Variants in IFTAP observed in about 807,000 individuals in gnomAD.
IFTAP encodes intraflagellar transport associated protein, also known as intraflagellar transport-associated protein.
A neutral mutation model predicts 19.4 loss-of-function variants in IFTAP; 19 were observed. The ratio of observed to expected loss-of-function variants is 0.98; its 90% CI spans 0.68 to 1.44. The LOEUF (loss-of-function observed/expected upper bound fraction) is 1.44. Ranked by LOEUF, IFTAP falls within the 40% of genes most tolerant of loss-of-function variation. The pLI is 0.00. For synonymous variants in IFTAP, 85 were observed against 83.5 expected, an observed-to-expected ratio of 1.02 and a Z score of -0.10; for missense variants, 240 against 253.6, an observed-to-expected ratio of 0.95 and a Z score of 0.36.
chr11:36,613,720 G>T (rs1197521055), intron 2 of IFTAP, among the ~76,000 whole-genome samples: 1 of 151,992 alleles, frequency 6.6e-6, no homozygotes, highest in Non-Finnish European at 1.5e-5. Context: ...GTAGAACCAG[G>T]AAAGTTTGAC....
At chr11:36,599,324 A>G (rs1851414108) in intron 1 of IFTAP, among the ~76,000 whole-genome samples, 1 of 152,146 alleles carries the variant, frequency 6.6e-6, no homozygotes, top group African/African-American at 2.4e-5. Context: ...TAATTTCTAA[A>G]TGCAACCTAA....
At chr11:36,658,526 T>C (rs1854090394) in intron 5 of IFTAP, among the ~76,000 whole-genome samples, 1 of 152,220 alleles carries the variant, frequency 6.6e-6, no homozygotes, top group African/African-American at 2.4e-5. Flanking sequence ...CCAAGAGTTA[T>C]AGGTATTATC....
chr11:36,646,134 G>A (rs1853472185), intron 4 of IFTAP, among the ~76,000 whole-genome samples: 1 of 152,174 alleles, frequency 6.6e-6, no homozygotes, highest in South Asian at 2.1e-4. Flanking sequence ...TTGGCAAATA[G>A]GTTAGAGAAG....
At chr11:36,656,697 C>T (rs1447479832) in intron 5 of IFTAP, among the ~76,000 whole-genome samples, 2 of 152,014 alleles carry the variant, frequency 1.3e-5, no homozygotes, top group South Asian at 2.1e-4. Context: ...CTTTTGTCTT[C>T]TCCTTGAAGT....
intron 5 of IFTAP, among the ~76,000 whole-genome samples, chr11:36,651,272 A>C (rs1407630759): frequency 6.6e-6 from 1 of 152,100 alleles, no homozygotes; most frequent in African/African-American, 2.4e-5. Flanking sequence ...ATGGTATCTC[A>C]TTGTGGTTTT....
chr11:36,639,617 G>C (rs1383144323), intron 4 of IFTAP, among the ~76,000 whole-genome samples: 1 of 152,098 alleles, frequency 6.6e-6, no homozygotes, highest in African/African-American at 2.4e-5. Context: ...GAGGGAAAGA[G>C]GTGCCAGGCT....
chr11:36,602,125 C>G lies in IFTAP; in HGVS notation c.-24+7533C>G, dbSNP rs1851532635. ...TACCTCTTATAGCCCATTTATTATT[C>G]CACAGTCTTAGGAATTTATAATTCA... On this transcript the variant is annotated intron_variant, in intron 1 of 5. Coordinates refer to ENST00000334307, the MANE Select transcript of IFTAP (RefSeq NM_138787.4). Among the ~76,000 whole-genome samples, 2 of 152,126 alleles carry G rather than the reference C, an allele frequency of 1.3e-5. 1 individual carries two copies. Among genetic ancestry groups the G allele is most frequent in the South Asian group, 4.1e-4 (2 of 4,836 alleles).
At chr11:36,611,541 T>C (rs1449391341) in intron 2 of IFTAP, among the ~76,000 whole-genome samples, 1 of 152,098 alleles carries the variant, frequency 6.6e-6, no homozygotes, top group African/African-American at 2.4e-5. Context: ...GTAGTAGTTA[T>C]AAGGAAATTA....
intron 1 of IFTAP, among the ~76,000 whole-genome samples, chr11:36,603,251 A>G (rs1052187472): frequency 1.3e-5 from 2 of 152,176 alleles, no homozygotes; most frequent in Non-Finnish European, 2.9e-5. Flanking sequence ...AAGGGAAGCA[A>G]ATTTTTCAAG....
At chr11:36,607,997 A>ACTT (rs1258178020) in intron 1 of IFTAP, among the ~76,000 whole-genome samples, 2 of 152,170 alleles carry the variant, frequency 1.3e-5, no homozygotes, top group Non-Finnish European at 2.9e-5. Flanking sequence ...AGGTCAAGTA[A>ACTT]CTTGCCCAGT....
intron 1 of IFTAP, among the ~76,000 whole-genome samples, chr11:36,609,529 G>C (rs1037861926): frequency 6.6e-6 from 1 of 152,170 alleles, no homozygotes; most frequent in African/African-American, 2.4e-5. Flanking sequence ...TAGGGAAGGG[G>C]GGGAGTGGAG....
At chr11:36,632,954 AT>A (rs1565021163) in intron 2 of IFTAP, among the ~76,000 whole-genome samples, 1 of 151,174 alleles carries the variant, frequency 6.6e-6, no homozygotes, top group East Asian at 1.9e-4. Context: ...AAAGAAAAAA[AT>A]CCCTCAAATT....
intron 2 of IFTAP, among the ~76,000 whole-genome samples, chr11:36,614,844 A>G (rs1288494855): frequency 1.3e-5 from 2 of 148,606 alleles, no homozygotes; most frequent in Non-Finnish European, 3.0e-5. Context: ...AGTAGATTGC[A>G]AAAATGTTCT....
At chr11:36,598,436 G>T (rs1249705232) in intron 1 of IFTAP, among the ~76,000 whole-genome samples, 1 of 152,120 alleles carries the variant, frequency 6.6e-6, no homozygotes, top group Non-Finnish European at 1.5e-5. Context: ...GGCAAAACTT[G>T]ATTTTTAAAA....
intron 2 of IFTAP, among the ~76,000 whole-genome samples, chr11:36,616,311 C>T (rs1852086915): frequency 6.6e-6 from 1 of 151,792 alleles, no homozygotes; most frequent in African/African-American, 2.4e-5. Context: ...TATGTAATTT[C>T]ATTCTTAGTT....
At position 36,610,160 on chromosome 11, in the gene IFTAP, C is replaced by T. The variant is rs12294126; in HGVS notation, c.57C>T (p.Asp19=). The part of the protein sequence containing the change: ...EIMDEDQLIK[D]VLDKFLNCHE... ...TGGATGAAGATCAATTAATCAAAGA[C>T]GTCTTGGATAAATTCCTTAATTGTC... Residue 19 remains aspartate, a synonymous_variant, in exon 2 of 6, where the codon GAC becomes GAT. Coordinates refer to ENST00000334307, the MANE Select transcript of IFTAP (RefSeq NM_138787.4). 3.7e-3 allele frequency: 5,996 copies of T among 1,611,184 alleles called. 139 individuals carry two copies. The African/African-American group carries it at 0.062, about 17-fold the overall frequency.
At chr11:36,599,722 G>A (rs1481659031) in intron 1 of IFTAP, among the ~76,000 whole-genome samples, 1 of 151,950 alleles carries the variant, frequency 6.6e-6, no homozygotes, top group African/African-American at 2.4e-5. Context: ...CCTTAAAAAA[G>A]CATCGTCATC....
intron 4 of IFTAP, among the ~76,000 whole-genome samples, chr11:36,643,270 C>T (rs1853313596): frequency 6.6e-6 from 1 of 152,062 alleles, no homozygotes; most frequent in South Asian, 2.1e-4. Flanking sequence ...GAATAAAATA[C>T]CTAGGAATCC....
At chr11:36,597,600 G>C (rs555969753) in intron 1 of IFTAP, 1 of 152,156 alleles carries the variant, frequency 6.6e-6, no homozygotes, top group African/African-American at 2.4e-5. Flanking sequence ...TGAGGTCTGG[G>C]TTTATAGTTC....
Sources: gnomAD v4.1 joint callset for allele counts (sites outside exome capture counted in the v4.1 genomes callset) on GRCh38, gnomAD v4.1.1 for gene constraint, MANE v1.5 for transcripts, NCBI Gene and HGNC (gene_info 2026-07-23, HGNC 2026-07-21) for gene names.